Variants in SIK3 observed in about 807,000 individuals in gnomAD.
SIK3 encodes the protein SIK family kinase 3.
Under a neutral mutation model 144.2 loss-of-function variants are expected in SIK3, and 28 were observed. The observed-to-expected ratio is 0.19, with a 90% confidence interval of 0.14 to 0.27. The LOEUF (loss-of-function observed/expected upper bound fraction) is 0.27. SIK3 is among the 10% of genes least tolerant of loss of function. The probability of loss-of-function intolerance (pLI) is 1.00; values close to 1 mark genes in which losing one functional copy is unlikely to be tolerated. For missense variants in SIK3, 1,319 were observed against 1,776.0 expected, an observed-to-expected ratio of 0.74 and a Z score of 4.62; for synonymous variants, 686 against 676.3, an observed-to-expected ratio of 1.01 and a Z score of -0.22.
intron 1 of SIK3, among the ~76,000 whole-genome samples, chr11:117,064,154 G>T (rs1309410468): frequency 6.6e-6 from 1 of 152,098 alleles, no homozygotes; most frequent in East Asian, 1.9e-4. Context: ...CAATGTCAGG[G>T]TCATTCATGT....
At chr11:117,068,930 A>G (rs1954137587) in intron 1 of SIK3, among the ~76,000 whole-genome samples, 1 of 152,158 alleles carries the variant, frequency 6.6e-6, no homozygotes, top group African/African-American at 2.4e-5. Context: ...GAAGAGCCTT[A>G]AAGATGGGTA....
At chr11:117,083,130 C>T (rs934564863) in intron 1 of SIK3, among the ~76,000 whole-genome samples, 1 of 152,136 alleles carries the variant, frequency 6.6e-6, no homozygotes, top group Non-Finnish European at 1.5e-5. Context: ...CACTGCTATA[C>T]GAGGTTGTGA....
Position 117,035,911 on chromosome 11 carries a change from A to G in SIK3, c.273+62232T>C, listed in dbSNP as rs1331904449. The G allele has an allele frequency of 5.0e-6, 8 of 1,596,286 alleles. No individual in the cohort carries two copies. In the East Asian group the frequency reaches 1.8e-4, roughly 36 times the overall value. On this transcript the variant is annotated intron_variant, in intron 1 of 24. Transcript: ENST00000445177. ...ACAAAACTACCGTTTGTGCATGGCTAAAGACCGTGATGATTTTATAGCATC... is the reference window on the plus strand; with the variant it reads ...ACAAAACTACCGTTTGTGCATGGCTGAAGACCGTGATGATTTTATAGCATC...
chr11:116,995,884 A>T (rs1304435619), intron 1 of SIK3, among the ~76,000 whole-genome samples: 1 of 152,108 alleles, frequency 6.6e-6, no homozygotes, highest in African/African-American at 2.4e-5. Flanking sequence ...GTGTGGTAGA[A>T]CCTGCCTGTA....
chr11:116,973,435 G>C (rs561747328), intron 1 of SIK3, among the ~76,000 whole-genome samples: 1 of 152,326 alleles, frequency 6.6e-6, no homozygotes, highest in East Asian at 1.9e-4. Context: ...AGCCTTACTT[G>C]TAGAGATTCC....
chr11:116,942,554 A>G (rs547843789), intron 3 of SIK3, among the ~76,000 whole-genome samples: 13 of 152,378 alleles, frequency 8.5e-5, no homozygotes, highest in East Asian at 3.9e-4. Flanking sequence ...GCAATGGGCC[A>G]GTAGGAAGAA....
chr11:117,036,828 T>C (rs1952526899), intron 1 of SIK3, among the ~76,000 whole-genome samples: 1 of 152,220 alleles, frequency 6.6e-6, no homozygotes, highest in Non-Finnish European at 1.5e-5. Context: ...TCTTTTTCAA[T>C]GTGAAACCTC....
chr11:116,876,298 G>A lies in SIK3; in HGVS notation c.1050C>T (p.Leu350=). The change falls in exon 8 of 25, where the codon CTC becomes CTT. Residue 350 remains leucine (L), a synonymous_variant. Transcript: ENST00000445177. ...CCAGTCCCATGTCCTCCATGGCCAA[G>A]AGGACATCCTCATTCAGGGGGTCCA... The part of the protein sequence containing the change: ...RQVDPLNEDV[L]LAMEDMGLDK... The A allele has an allele frequency of 6.2e-7, 1 of 1,614,238 alleles. No homozygotes were observed. The highest frequency in any genetic ancestry group is 1.1e-5 in the South Asian group (1 of 91,084).
intron 21 of SIK3, among the ~76,000 whole-genome samples, chr11:116,851,602 G>A (rs922662814): frequency 3.9e-4 from 60 of 152,342 alleles, no homozygotes; most frequent in African/African-American, 1.4e-3. Flanking sequence ...ATGATGGCAA[G>A]TGAGAAATCT....
chr11:116,997,745 A>G (rs1950717046), intron 1 of SIK3, among the ~76,000 whole-genome samples: 1 of 152,258 alleles, frequency 6.6e-6, no homozygotes, highest in African/African-American at 2.4e-5. Context: ...TGTACAATGT[A>G]AAGAAAATAG....
rs1454747932 is a variant in SIK3 at position 117,034,996 on chromosome 11, G to T, written c.273+63147C>A. ...ACCATGTTTTACAACTGCAAATAATGCAATGATAAAACTGAAAGTTTTGAA... is the reference window on the plus strand; with the variant it reads ...ACCATGTTTTACAACTGCAAATAATTCAATGATAAAACTGAAAGTTTTGAA... On this transcript the variant is annotated intron_variant, in intron 1 of 24. Coordinates refer to ENST00000445177, the MANE Select transcript of SIK3 (RefSeq NM_001366686.3). Among the ~76,000 whole-genome samples, 4 of 152,150 alleles carry T rather than the reference G, an allele frequency of 2.6e-5. No individual in the cohort carries two copies. In the South Asian group the frequency reaches 6.2e-4, roughly 24 times the overall value.
At chr11:117,020,091 G>A (rs76437066) in intron 1 of SIK3, among the ~76,000 whole-genome samples, 27 of 151,910 alleles carry the variant, frequency 1.8e-4, no homozygotes, top group African/African-American at 5.8e-4. Context: ...TTCCAAACCC[G>A]GGGTTTGACG....
chr11:117,031,425 T>C (rs1389280666), intron 1 of SIK3, among the ~76,000 whole-genome samples: 1 of 151,518 alleles, frequency 6.6e-6, no homozygotes, highest in Non-Finnish European at 1.5e-5. Flanking sequence ...TTTAAAAGGC[T>C]ATCCTTCCTG....
At chr11:116,873,319 G>C (rs1038716405) in intron 13 of SIK3, among the ~76,000 whole-genome samples, 162 bp downstream of exon 13, 4 of 152,204 alleles carry the variant, frequency 2.6e-5, no homozygotes, top group African/African-American at 9.7e-5. Context: ...AATAAAGTGT[G>C]GAAAACTCTA....
chr11:116,879,397 T>C (rs757178297), intron 6 of SIK3, among the ~76,000 whole-genome samples: 9 of 152,180 alleles, frequency 5.9e-5, no homozygotes, highest in Non-Finnish European at 1.3e-4. Context: ...GCTCCACTTA[T>C]AAATGAAGAA....
intron 4 of SIK3, among the ~76,000 whole-genome samples, chr11:116,903,022 G>A (rs1488011036): frequency 6.6e-6 from 1 of 152,108 alleles, no homozygotes. Flanking sequence ...CTATTGCTAT[G>A]CATCTTGTAA....
intron 1 of SIK3, among the ~76,000 whole-genome samples, chr11:117,049,405 C>A (rs1681428044): frequency 6.6e-6 from 1 of 150,978 alleles, no homozygotes. Context: ...CAGTGAAACA[C>A]CATCTCTACT....
At position 116,877,019 on chromosome 11, in the gene SIK3, T is replaced by C. The variant is rs1299975246; in HGVS notation, c.889A>G (p.Met297Val). The C allele has an allele frequency of 6.2e-7, 1 of 1,614,090 alleles. No individual in the cohort carries two copies. Among genetic ancestry groups the C allele is most frequent in the Admixed American group, 1.7e-5 (1 of 60,004 alleles). Residue 297 changes from methionine (M) to valine (V), a missense_variant, in exon 7 of 25, where the codon ATG becomes GTG. Around this residue, in one of 8 missense-constraint regions of SIK3, gnomAD observed 34 missense variants for 56.1 expected, o/e 0.61. Transcript: ENST00000445177. Reference protein sequence around the residue: ...STECEHLIRHMLVLDPNKRLS... With the variant: ...STECEHLIRHVLVLDPNKRLS... ...CGCTTATTGGGATCTAACACCAACA[T>C]ATGGCGGATCAAATGCTCACATTCT...
intron 1 of SIK3, among the ~76,000 whole-genome samples, chr11:117,093,690 TTAAC>T (rs1278711027): frequency 2.6e-5 from 4 of 151,482 alleles, no homozygotes; most frequent in African/African-American, 2.4e-5. Context: ...AAAAAAAAGT[TTAAC>T]TAATGAAAAT....
Sources: gnomAD v4.1 joint callset for allele counts (sites outside exome capture counted in the v4.1 genomes callset) on GRCh38, gnomAD v4.1.1 for gene constraint, gnomAD v4.1.1 regional missense constraint, MANE v1.5 for transcripts, NCBI Gene and HGNC (gene_info 2026-07-23, HGNC 2026-07-21) for gene names.